The following SMCP variants were observed in gnomAD, a reference collection of about 807,000 sequenced individuals.
SMCP encodes sperm mitochondria associated cysteine rich protein.
For synonymous variants in SMCP, 41 were observed against 46.9 expected, an observed-to-expected ratio of 0.87 and a Z score of 0.51; for missense variants, 137 against 137.1, an observed-to-expected ratio of 1.00 and a Z score of 0.01.
intron 1 of SMCP, among the ~76,000 whole-genome samples, chr1:152,882,195 C>G (rs7542656): frequency 2.0e-5 from 3 of 151,860 alleles, no homozygotes; most frequent in African/African-American, 7.3e-5. Flanking sequence ...GGTTCTGAAC[C>G]CCCGACCTCA....
At chr1:152,881,800 C>T (rs1649063587) in intron 1 of SMCP, among the ~76,000 whole-genome samples, 3 of 151,300 alleles carry the variant, frequency 2.0e-5, no homozygotes, top group Non-Finnish European at 2.9e-5. Flanking sequence ...TCAGGAAACA[C>T]AATCATGGCA....
Position 152,884,709 on chromosome 1 carries a change from A to G in SMCP, c.287A>G (p.Asp96Gly), listed in dbSNP as rs1266697645. 8.1e-6 allele frequency: 13 copies of G among 1,614,106 alleles called. No individual in the cohort carries two copies. Among genetic ancestry groups the G allele is most frequent in the African/African-American group, 4.0e-5 (3 of 74,918 alleles). ...ESEPNSPQTQ[D>G]KGCQTQQQPH... ...GAGCCCAACTCACCGCAAACTCAGG[A>G]CAAGGGCTGTCAAACCCAGCAGCAG... Residue 96 changes from aspartate (D) to glycine (G), a missense_variant, in exon 2 of 2, where the codon GAC becomes GGC. Asp to Gly is a moderately conservative substitution (Grantham distance 94, BLOSUM62 -1). Transcript: ENST00000368765.
intron 1 of SMCP, among the ~76,000 whole-genome samples, chr1:152,881,228 C>G (rs1487430003): frequency 6.6e-6 from 1 of 152,042 alleles, no homozygotes; most frequent in Non-Finnish European, 1.5e-5. Context: ...ATAGCCACAG[C>G]CCTGGGTCTT....
At chr1:152,881,682 G>A (rs373185569) in intron 1 of SMCP, among the ~76,000 whole-genome samples, 83 of 133,666 alleles carry the variant, frequency 6.2e-4, no homozygotes, top group African/African-American at 2.4e-3. Flanking sequence ...GCGACAGAGC[G>A]AGACTCCGTC....
chr1:152,880,892 C>T (rs1649009014), intron 1 of SMCP, among the ~76,000 whole-genome samples: 7 of 152,100 alleles, frequency 4.6e-5, no homozygotes, highest in Admixed American at 4.6e-4. Flanking sequence ...TAAGAGATAA[C>T]TCTTCCCTCC....
chr1:152,883,969 G>A (rs2101623761), intron 1 of SMCP, among the ~76,000 whole-genome samples: 1 of 152,306 alleles, frequency 6.6e-6, no homozygotes, highest in African/African-American at 2.4e-5. Flanking sequence ...TCACTTACAA[G>A]CAACTGAGGT....
At chr1:152,878,984 G>C (rs1416541774) in intron 1 of SMCP, among the ~76,000 whole-genome samples, 1 of 152,196 alleles carries the variant, frequency 6.6e-6, no homozygotes, top group Non-Finnish European at 1.5e-5. Context: ...ACAGTGTTTG[G>C]ACATGAGGCT....
At position 152,884,608 on chromosome 1, in the gene SMCP, AC is replaced by A; in HGVS notation, c.191del (p.Pro64HisfsTer78). 2 of 1,613,904 alleles carry A rather than the reference AC, an allele frequency of 1.2e-6. No individual in the cohort carries two copies. Among genetic ancestry groups the A allele is most frequent in the Non-Finnish European group, 1.7e-6 (2 of 1,179,982 alleles). On this transcript the variant is annotated frameshift_variant, in exon 2 of 2. Coordinates refer to ENST00000368765, the MANE Select transcript of SMCP (RefSeq NM_030663.3). LOFTEE classifies it low-confidence loss of function (END_TRUNC). ...AACACAATCACTGCTGCCAGCCAAA[AC>A]CCCCATGCTGCATTCAGGCCAGGTG... ...PKHNHCCQPKPPCCIQARCCG... is the reference protein window; with the variant it reads ...PKHNHCCQPKXPCCIQARCCG...
Position 152,884,901 on chromosome 1 carries a change from C to A in SMCP, c.*128C>A. On this transcript the variant is annotated 3_prime_UTR_variant, in exon 2 of 2. Coordinates refer to ENST00000368765, the MANE Select transcript of SMCP (RefSeq NM_030663.3). ...CAGTTTTCACAGTGACTACCATTTC[C>A]ACCCAATGAGAGGCTCCTATTTCCC... 1 of 805,086 alleles carries A rather than the reference C, an allele frequency of 1.2e-6. No individual in the cohort carries two copies. Among genetic ancestry groups the A allele is most frequent in the Non-Finnish European group, 2.0e-6 (1 of 507,252 alleles). 49.9% of individuals were successfully genotyped at this position (805,086 alleles called of 1,614,324 possible). A position where few individuals can be genotyped will look rare whatever the true frequency, so the allele number is the denominator to read the frequency against.
At position 152,883,421 on chromosome 1, in the gene SMCP, G is replaced by A. The variant is rs189349519; in HGVS notation, c.-20-982G>A. On this transcript the variant is annotated intron_variant, in intron 1 of 1. Coordinates refer to ENST00000368765, the MANE Select transcript of SMCP (RefSeq NM_030663.3). ...TCATCATGTGCCATAGGAGGGACCA[G>A]GGCGGAAACCATTAGGGGCTTCTCC... Among the ~76,000 whole-genome samples the A allele has an allele frequency of 3.9e-5, 6 of 152,366 alleles. No individual in the cohort carries two copies. The East Asian group carries it at 1.2e-3, about 29-fold the overall frequency.
At chr1:152,883,738 C>A (rs1012908817) in intron 1 of SMCP, among the ~76,000 whole-genome samples, 2 of 152,124 alleles carry the variant, frequency 1.3e-5, no homozygotes, top group South Asian at 4.1e-4. Flanking sequence ...CAGAACCAGG[C>A]CTGGAACTCA....
At chr1:152,882,916 C>T (rs1250908114) in intron 1 of SMCP, among the ~76,000 whole-genome samples, 1 of 152,174 alleles carries the variant, frequency 6.6e-6, no homozygotes, top group Non-Finnish European at 1.5e-5. Context: ...TGGTGGTAGG[C>T]ATCTGTAATC....
chr1:152,881,004 A>C (rs1022311483), intron 1 of SMCP, among the ~76,000 whole-genome samples: 10 of 202 alleles, frequency 0.05, no homozygotes, highest in Non-Finnish European at 0.09. Flanking sequence ...AGAAACCCTG[A>C]GATGAGGCTC....
Position 152,884,822 on chromosome 1 carries a change from A to G in SMCP, c.*49A>G. Reference sequence around the variant, plus strand: ...AGAAGTCCCTGGGGCCATGCCTTTCACTTTGTAGGGTGGGGGATTACTGAG... The same window carrying G: ...AGAAGTCCCTGGGGCCATGCCTTTCGCTTTGTAGGGTGGGGGATTACTGAG... On this transcript the variant is annotated 3_prime_UTR_variant, in exon 2 of 2. Coordinates refer to ENST00000368765, the MANE Select transcript of SMCP (RefSeq NM_030663.3). The G allele has an allele frequency of 6.6e-7, 1 of 1,523,612 alleles. No homozygotes were observed. Among genetic ancestry groups the G allele is most frequent in the Non-Finnish European group, 9.0e-7 (1 of 1,109,278 alleles). The allele number at this position is 1,523,612 out of a possible 1,614,324, so 94.4% of individuals were successfully genotyped here.
intron 1 of SMCP, among the ~76,000 whole-genome samples, chr1:152,879,403 TAG>T: frequency 6.6e-6 from 1 of 152,096 alleles, no homozygotes; most frequent in East Asian, 2.0e-4. Flanking sequence ...GTATTTTCAG[TAG>T]AGATGGAGTT....
chr1:152,882,855 C>T (rs1456671691), intron 1 of SMCP, among the ~76,000 whole-genome samples: 1 of 152,170 alleles, frequency 6.6e-6, no homozygotes, highest in Non-Finnish European at 1.5e-5. Flanking sequence ...ACCAGCCTGG[C>T]TAACATGGCA....
rs1422222624 is a variant in SMCP at position 152,884,416 on chromosome 1, T to C, written c.-7T>C. On this transcript the variant is annotated 5_prime_UTR_variant, in exon 2 of 2. Coordinates refer to ENST00000368765, the MANE Select transcript of SMCP (RefSeq NM_030663.3). ...TTCTTTTTCTAGTACCTCCAAGTGT[T>C]CAGAAGATGTGTGACCAGACAAAAC... 2 of 1,614,046 alleles carry C rather than the reference T, an allele frequency of 1.2e-6. No homozygotes were observed. The highest frequency in any genetic ancestry group is 3.3e-5 in the Admixed American group (2 of 60,026).
intron 1 of SMCP, among the ~76,000 whole-genome samples, chr1:152,882,659 G>GCA (rs143397836): frequency 0.1 from 15,233 of 150,026 alleles, 1,183 homozygotes; most frequent in African/African-American, 0.22. Context: ...GCACTTAGGT[G>GCA]CACACACACA....
intron 1 of SMCP, among the ~76,000 whole-genome samples, chr1:152,883,234 T>C (rs1286346054): frequency 6.6e-6 from 1 of 152,168 alleles, no homozygotes; most frequent in Non-Finnish European, 1.5e-5. Flanking sequence ...CATGGGTTTG[T>C]GGCTTTGTGA....
Sources: allele counts gnomAD v4.1 joint callset (sites outside exome capture counted in the v4.1 genomes callset), GRCh38; gene constraint gnomAD v4.1.1; transcripts MANE v1.5; gene names NCBI Gene and HGNC (gene_info 2026-07-23, HGNC 2026-07-21).